The following KIF1B variants were observed in gnomAD, a reference collection of about 807,000 sequenced individuals.
KIF1B encodes the protein kinesin-like protein KIF1B.
Under a neutral mutation model 241.9 loss-of-function variants are expected in KIF1B, and 76 were observed. That is an observed-to-expected ratio of 0.31 (90% CI 0.26 to 0.38). KIF1B has a LOEUF of 0.38. Among genes scored for constraint, KIF1B ranks in the 10% least tolerant of loss-of-function variants. The probability of loss-of-function intolerance (pLI) is 1.00; values close to 1 mark genes in which losing one functional copy is unlikely to be tolerated. For missense variants in KIF1B, 1,622 were observed against 2,271.4 expected (o/e 0.71, Z 5.81); for synonymous variants, 750 against 796.7 (o/e 0.94, Z 0.99).
chr1:10,308,231 C>A, intron 22 of KIF1B: 4 of 1,061,152 alleles, frequency 3.8e-6, no homozygotes, highest in Non-Finnish European at 4.6e-6. Context: ...AAGGGGCCGT[C>A]TTAGGCACAG....
intron 1 of KIF1B, among the ~76,000 whole-genome samples, chr1:10,220,127 G>A (rs12563439): frequency 7.9e-5 from 12 of 151,288 alleles, no homozygotes; most frequent in African/African-American, 2.7e-4. Context: ...ACTTGAACCC[G>A]GGAGGTGGAG....
chr1:10,278,438 T>G (rs1649232570), intron 13 of KIF1B: 1 of 322,036 alleles, frequency 3.1e-6, no homozygotes, highest in East Asian at 7.5e-5. Flanking sequence ...TTTGGAACGT[T>G]AAACCTGTTA....
At chr1:10,356,999 C>T (rs1475891711) in intron 38 of KIF1B, among the ~76,000 whole-genome samples, 2 of 152,296 alleles carry the variant, frequency 1.3e-5, no homozygotes, top group Admixed American at 6.5e-5. Context: ...CCCTCCTCAG[C>T]CTCCCGAATA....
At chr1:10,295,807 T>A (rs1650235469) in intron 19 of KIF1B, 41 bp downstream of exon 19, 2 of 1,474,450 alleles carry the variant, frequency 1.4e-6, no homozygotes, top group South Asian at 2.3e-5. Context: ...AACATTTTCA[T>A]TTTATATTAT....
At position 10,361,028 on chromosome 1, in the gene KIF1B, G is replaced by A; in HGVS notation, c.4155G>A (p.Leu1385=). ...TPYGEKIYMT[L]SAYLELDHCI... ...ATGGAGAAAAGATCTACATGACCTT[G>A]TCGGCCTACCTAGAGGTGAGGAGAC... Residue 1385 remains leucine (L), a synonymous_variant, in exon 39 of 49, where the codon TTG becomes TTA. Transcript: ENST00000676179. 1 of 1,612,258 alleles carries A rather than the reference G, an allele frequency of 6.2e-7. No homozygotes were observed. The highest frequency in any genetic ancestry group is 2.2e-5 in the East Asian group (1 of 44,866).
At chr1:10,225,158 C>T (rs996349623) in intron 1 of KIF1B, among the ~76,000 whole-genome samples, 9 of 152,164 alleles carry the variant, frequency 5.9e-5, no homozygotes, top group Non-Finnish European at 1.3e-4. Flanking sequence ...ACTCTGTGGC[C>T]TAGGGGTTGA....
chr1:10,355,854 T>C (rs2185252), intron 38 of KIF1B, among the ~76,000 whole-genome samples: 49,870 of 152,048 alleles, frequency 0.33, 8,324 homozygotes, highest in Middle Eastern at 0.38. Context: ...AATTTGGCTA[T>C]TTGGATAGCT....
At chr1:10,225,172 C>T (rs556066584) in intron 1 of KIF1B, among the ~76,000 whole-genome samples, 1 of 152,214 alleles carries the variant, frequency 6.6e-6, no homozygotes, top group Non-Finnish European at 1.5e-5. Flanking sequence ...GGGTTGAGGA[C>T]CCCTCTTGTA....
intron 23 of KIF1B, among the ~76,000 whole-genome samples, chr1:10,320,842 C>T (rs1230064024): frequency 6.6e-6 from 1 of 151,064 alleles, no homozygotes; most frequent in Non-Finnish European, 1.5e-5. Flanking sequence ...GTTGGGATTA[C>T]AGGGATGCGC....
chr1:10,231,630 G>A (rs1382969291), intron 1 of KIF1B, among the ~76,000 whole-genome samples: 1 of 151,588 alleles, frequency 6.6e-6, no homozygotes, highest in East Asian at 1.9e-4. Context: ...CAAGTGATCC[G>A]CCCAACTTGA....
Position 10,379,481 on chromosome 1 carries a change from C to T in KIF1B, c.*2894C>T, listed in dbSNP as rs571920248. 25 of 231,816 alleles carry T rather than the reference C, an allele frequency of 1.1e-4. 1 individual carries two copies. Among genetic ancestry groups the T allele is most frequent in the Admixed American group, 8.5e-4 (15 of 17,750 alleles). 14.4% of individuals were successfully genotyped at this position (231,816 alleles called of 1,614,324 possible). A position where few individuals can be genotyped will look rare whatever the true frequency, so the allele number is the denominator to read the frequency against. ...CGTCCAGGGTGGGTGCTCCCTTGCC[C>T]GACAGAACCATCCCCACTGTGAGGC... On this transcript the variant is annotated 3_prime_UTR_variant, in exon 49 of 49. Coordinates refer to ENST00000676179, the MANE Select transcript of KIF1B (RefSeq NM_001365951.3).
chr1:10,238,156 G>A (rs1647082752), intron 2 of KIF1B, among the ~76,000 whole-genome samples: 1 of 149,356 alleles, frequency 6.7e-6, no homozygotes, highest in Non-Finnish European at 1.5e-5. Flanking sequence ...CAAGTTGGGT[G>A]GGTCACCTCA....
chr1:10,380,280 C>G lies in KIF1B; in HGVS notation c.*3693C>G, dbSNP rs556013366. On this transcript the variant is annotated 3_prime_UTR_variant, in exon 49 of 49. Transcript: ENST00000676179. ...AGGATTCTCCAGTGTGCACACTCAT[C>G]GGTACTCTTTCTGCATTTCCCTCGT... 9.5e-6 allele frequency: 2 copies of G among 211,558 alleles called. No individual in the cohort carries two copies. Among genetic ancestry groups the G allele is most frequent in the South Asian group, 1.9e-4 (1 of 5,312 alleles). The allele number at this position is 211,558 out of a possible 1,614,324, so 13.1% of individuals were successfully genotyped here. A position where few individuals can be genotyped will look rare whatever the true frequency, so the allele number is the denominator to read the frequency against.
intron 38 of KIF1B, among the ~76,000 whole-genome samples, chr1:10,356,440 C>T (rs1033783599): frequency 6.6e-5 from 10 of 152,096 alleles, no homozygotes; most frequent in African/African-American, 1.7e-4. Flanking sequence ...TCAATTTGGA[C>T]CCCATTCAGT....
rs1161333569 is a variant in KIF1B, at chr1:10,273,005, C to CAA, written c.865-8_865-7insAA. The CAA allele has an allele frequency of 4.0e-5, 62 of 1,544,764 alleles. No homozygotes were observed. The East Asian group carries it at 1.5e-3, about 38-fold the overall frequency. On this transcript the variant is annotated splice_polypyrimidine_tract_variant and intron_variant, in intron 9 of 48. Transcript: ENST00000676179. ...TCTTATTTTCTCCTTTAAATGCTTT[C>CAA]ACCTGTAGGATAACTGCACTAGCAA...
intron 2 of KIF1B, among the ~76,000 whole-genome samples, chr1:10,234,874 T>C (rs927691794): frequency 4.6e-5 from 7 of 151,600 alleles, no homozygotes; most frequent in African/African-American, 1.7e-4. Flanking sequence ...CATACTAAAA[T>C]AATTTCTTTT....
chr1:10,331,526 A>G (rs1651921016), intron 27 of KIF1B, among the ~76,000 whole-genome samples: 1 of 152,016 alleles, frequency 6.6e-6, no homozygotes, highest in Admixed American at 6.5e-5. Flanking sequence ...TTTGTATTTC[A>G]TTTATGCTCT....
At chr1:10,216,957 C>CTTTTTTTTTTTTTTTTT (rs70998362) in intron 1 of KIF1B, among the ~76,000 whole-genome samples, 5 of 54,504 alleles carry the variant, frequency 9.2e-5, no homozygotes, top group East Asian at 1.7e-3. Context: ...TGCCCATTTT[C>CTTTTTTTTTTTTTTTTT]TTTTTTTTTT....
In KIF1B at chr1:10,274,945, G is replaced by A. The variant is rs137950243; in HGVS notation, c.883-483G>A. 6.4e-4 allele frequency: 253 copies of A among 394,702 alleles called. 1 individual carries two copies. The highest frequency in any genetic ancestry group is 5.3e-3 in the African/African-American group (246 of 46,304). 24.4% of individuals were successfully genotyped at this position (394,702 alleles called of 1,614,324 possible). On this transcript the variant is annotated intron_variant, in intron 10 of 48. Transcript: ENST00000676179. ...AAAAGGATAAAAAATGATATGGACA[G>A]GATATTAGGTAATAGTATTGTGTTG...
Sources: gnomAD v4.1 joint callset for allele counts (sites outside exome capture counted in the v4.1 genomes callset) on GRCh38, gnomAD v4.1.1 for gene constraint, MANE v1.5 for transcripts, NCBI Gene and HGNC (gene_info 2026-07-23, HGNC 2026-07-21) for gene names.